Variants in BPNT2 observed in about 807,000 individuals in gnomAD.
The protein encoded by BPNT2 is Golgi-resident adenosine 3',5'-bisphosphate 3'-phosphatase.
In BPNT2, 11 loss-of-function variants were observed where a neutral mutation model predicts 29.3. That is an observed-to-expected ratio of 0.38 (90% CI 0.24 to 0.62). The LOEUF (loss-of-function observed/expected upper bound fraction) is 0.62. BPNT2 is among the 20% of genes least tolerant of loss of function. The pLI is 0.62. For synonymous variants in BPNT2, 195 were observed against 187.7 expected, an observed-to-expected ratio of 1.04 and a Z score of -0.32; for missense variants, 459 against 473.4, an observed-to-expected ratio of 0.97 and a Z score of 0.28.
intron 1 of BPNT2, 44 bp downstream of exon 1, chr8:56,993,155 C>G (rs2129207379): frequency 6.4e-7 from 1 of 1,569,188 alleles, no homozygotes; most frequent in Non-Finnish European, 8.6e-7. Flanking sequence ...CGGGCCGAGA[C>G]GCGCTACCCG....
intron 1 of BPNT2, among the ~76,000 whole-genome samples, chr8:56,986,178 C>A (rs532690131): frequency 1.3e-5 from 2 of 152,306 alleles, no homozygotes; most frequent in East Asian, 3.9e-4. Flanking sequence ...AGAAGAAATT[C>A]ACACGTGTGA....
chr8:56,966,994 C>G (rs1441754839), intron 3 of BPNT2: 2 of 353,106 alleles, frequency 5.7e-6, no homozygotes, highest in African/African-American at 4.3e-5. Context: ...CCTTAGATTT[C>G]AAAATAGAAT....
chr8:56,964,288 GT>G, intron 4 of BPNT2: 1 of 430,390 alleles, frequency 2.3e-6, no homozygotes, highest in Non-Finnish European at 4.1e-6. Context: ...GTAACTTATT[GT>G]TTATTTTTAT....
chr8:56,971,787 C>CCA (rs1554539129), intron 3 of BPNT2, among the ~76,000 whole-genome samples: 4 of 144,170 alleles, frequency 2.8e-5, no homozygotes, highest in African/African-American at 1.0e-4. Flanking sequence ...GTACCACCCC[C>CCA]CCCCCCACAA....
Position 56,966,290 on chromosome 8 carries a change from G to C in BPNT2, c.709C>G (p.Pro237Ala). 1.2e-6 allele frequency: 2 copies of C among 1,613,904 alleles called. No homozygotes were observed. Among genetic ancestry groups the C allele is most frequent in the Non-Finnish European group, 8.5e-7 (1 of 1,179,862 alleles). Residue 237 changes from proline to alanine, a missense_variant, in exon 4 of 5, where the codon CCA becomes GCA. By Grantham distance (27) the Pro-to-Ala change is conservative (BLOSUM62 -1). Transcript: ENST00000262644. ...KARSSYNEKT[P>A]RIVVSRSHSG... ...TGGGAACGAGACACAACGATCCTTG[G>C]GGTCTTCTCATTGTAGGAAGAGCGG...
intron 3 of BPNT2, among the ~76,000 whole-genome samples, chr8:56,966,557 C>T (rs1308739629): frequency 6.6e-6 from 1 of 151,872 alleles, no homozygotes; most frequent in East Asian, 1.9e-4. Context: ...TGTATTAAGA[C>T]AAAACTAAAA....
rs1805866082 is a variant in BPNT2, at chr8:56,963,113, CTT to C, written c.*678_*679del. 1 of 152,204 alleles carries C rather than the reference CTT, an allele frequency of 6.6e-6. No homozygotes were observed. Among genetic ancestry groups the C allele is most frequent in the Non-Finnish European group, 1.5e-5 (1 of 68,060 alleles). 9.4% of individuals were successfully genotyped at this position (152,204 alleles called of 1,614,324 possible). Reference sequence around the variant, plus strand: ...TGCTGAACTCATGGGTACAAACACACTTTTCTTTATAAAAACAAAACAACACA... The same window carrying C: ...TGCTGAACTCATGGGTACAAACACACTTCTTTATAAAAACAAAACAACACA... On this transcript the variant is annotated 3_prime_UTR_variant, in exon 5 of 5. Coordinates refer to ENST00000262644, the MANE Select transcript of BPNT2 (RefSeq NM_017813.5).
chr8:56,971,678 A>G (rs924791563), intron 3 of BPNT2, among the ~76,000 whole-genome samples: 1 of 152,118 alleles, frequency 6.6e-6, no homozygotes, highest in Non-Finnish European at 1.5e-5. Flanking sequence ...GCACTTACAG[A>G]CCATACATAC....
rs1806454262 is a variant in BPNT2, at chr8:56,993,449, C to T, written c.137G>A (p.Gly46Asp). The T allele has an allele frequency of 4.1e-6, 6 of 1,474,860 alleles. No homozygotes were observed. The highest frequency in any genetic ancestry group is 5.4e-6 in the Non-Finnish European group (6 of 1,117,108). 91.4% of individuals were successfully genotyped at this position (1,474,860 alleles called of 1,614,324 possible). The change falls in exon 1 of 5, where the codon GGC becomes GAC. Residue 46 changes from glycine to aspartate, a missense_variant. Gly to Asp is a moderately conservative substitution (Grantham distance 94, BLOSUM62 -1). Coordinates refer to ENST00000262644, the MANE Select transcript of BPNT2 (RefSeq NM_017813.5). ...GGCCGCGGGCCCCGCCGCGCCGCCG[C>T]CAGGCTCGCCGCCCAGGCCGAAGAG... ...FSLFGLGGEP[G>D]GGAAGPAAAA...
At chr8:56,978,655 T>C (rs948533015) in intron 2 of BPNT2, among the ~76,000 whole-genome samples, 3 of 148,528 alleles carry the variant, frequency 2.0e-5, no homozygotes, top group African/African-American at 7.5e-5. Flanking sequence ...CCATCAATGA[T>C]AGACCAGGTA....
At chr8:56,977,279 G>T (rs1183927622) in intron 3 of BPNT2, among the ~76,000 whole-genome samples, 2 of 152,048 alleles carry the variant, frequency 1.3e-5, no homozygotes, top group Non-Finnish European at 2.9e-5. Flanking sequence ...AAATCAAGGG[G>T]TCAGCAGGGT....
intron 3 of BPNT2, among the ~76,000 whole-genome samples, chr8:56,971,782 A>AACCCCCCC (rs1806037005): frequency 1.9e-5 from 2 of 104,172 alleles, no homozygotes; most frequent in African/African-American, 3.4e-5. Context: ...ATTTTGTACC[A>AACCCCCCC]CCCCCCCCCC....
At chr8:56,990,228 T>C (rs1023726008) in intron 1 of BPNT2, among the ~76,000 whole-genome samples, 2 of 152,184 alleles carry the variant, frequency 1.3e-5, no homozygotes, top group South Asian at 2.1e-4. Flanking sequence ...TGTCAAAACT[T>C]TGAACAAATC....
Position 56,959,000 on chromosome 8 carries a change from A to AT in BPNT2, c.*4792dup. The AT allele has an allele frequency of 6.6e-6, 1 of 152,360 alleles. No homozygotes were observed. The highest frequency in any genetic ancestry group is 3.4e-3 in the Middle Eastern group (1 of 294). 9.4% of individuals were successfully genotyped at this position (152,360 alleles called of 1,614,324 possible). On this transcript the variant is annotated 3_prime_UTR_variant, in exon 5 of 5. Coordinates refer to ENST00000262644, the MANE Select transcript of BPNT2 (RefSeq NM_017813.5). The stretch of plus-strand genomic sequence containing the variant: ...TATTTCCTATTTTTAAAAACACAGA[A>AT]TGAGCAAGTCATTCCTGAACAAAAA...
intron 1 of BPNT2, among the ~76,000 whole-genome samples, chr8:56,981,864 T>C (rs941615389): frequency 2.0e-5 from 3 of 152,112 alleles, no homozygotes; most frequent in Non-Finnish European, 2.9e-5. Flanking sequence ...GAGTAGGTCA[T>C]GTTTATGCTA....
At chr8:56,967,440 A>G (rs557357926) in intron 3 of BPNT2, among the ~76,000 whole-genome samples, 5 of 152,212 alleles carry the variant, frequency 3.3e-5, no homozygotes, top group Admixed American at 2.6e-4. Flanking sequence ...TAAACACTGA[A>G]GAACAGCAGG....
In BPNT2 at chr8:56,966,738, T is replaced by C. The variant is rs188161410; in HGVS notation, c.647-386A>G. ...CAACAGCACTCCCTAATAAACACCCTGAAGCTAATCTCCAGCTCCAAGTCT... is the reference window on the plus strand; with the variant it reads ...CAACAGCACTCCCTAATAAACACCCCGAAGCTAATCTCCAGCTCCAAGTCT... On this transcript the variant is annotated intron_variant, in intron 3 of 4. Transcript: ENST00000262644. Among the ~76,000 whole-genome samples, 22 of 152,302 alleles carry C rather than the reference T, an allele frequency of 1.4e-4. No individual in the cohort carries two copies. In the East Asian group the frequency reaches 3.9e-3, roughly 27 times the overall value.
At chr8:56,972,920 G>A (rs1280122686) in intron 3 of BPNT2, among the ~76,000 whole-genome samples, 2 of 151,994 alleles carry the variant, frequency 1.3e-5, no homozygotes, top group Non-Finnish European at 2.9e-5. Context: ...TGAGCACTAG[G>A]ATTTAAGACA....
intron 2 of BPNT2, among the ~76,000 whole-genome samples, chr8:56,979,263 T>TA (rs892889652): frequency 6.6e-6 from 1 of 151,946 alleles, no homozygotes; most frequent in Non-Finnish European, 1.5e-5. Context: ...TAACTTTTAA[T>TA]AAAAAAAATC....
Sources: allele counts gnomAD v4.1 joint callset (sites outside exome capture counted in the v4.1 genomes callset), GRCh38; gene constraint gnomAD v4.1.1; transcripts MANE v1.5; gene names NCBI Gene and HGNC (gene_info 2026-07-23, HGNC 2026-07-21).